The following RIMS1 variants were observed in gnomAD, a reference collection of about 807,000 sequenced individuals.
RIMS1 encodes regulating synaptic membrane exocytosis protein 1.
Under a neutral mutation model 214.1 loss-of-function variants are expected in RIMS1, and 83 were observed. The ratio of observed to expected loss-of-function variants is 0.39; its 90% CI spans 0.32 to 0.47. The LOEUF is 0.47. Among genes scored for constraint, RIMS1 ranks in the 20% least tolerant of loss-of-function variants. RIMS1 has a pLI of 0.99. For synonymous variants in RIMS1, 793 were observed against 786.8 expected, an observed-to-expected ratio of 1.01 and a Z score of -0.13; for missense variants, 2,050 against 2,161.8, an observed-to-expected ratio of 0.95 and a Z score of 1.03.
intron 29 of RIMS1, among the ~76,000 whole-genome samples, chr6:72,364,922 C>T (rs1220556063): frequency 6.6e-6 from 1 of 152,186 alleles, no homozygotes; most frequent in African/African-American, 2.4e-5. Context: ...TCACAGCTGA[C>T]TACACAATTG....
At chr6:72,031,974 G>A (rs1014420127) in intron 2 of RIMS1, among the ~76,000 whole-genome samples, 3 of 152,148 alleles carry the variant, frequency 2.0e-5, no homozygotes, top group African/African-American at 7.2e-5. Flanking sequence ...ATAATGTAAA[G>A]TATTGGCTTT....
At chr6:72,078,936 A>T (rs956706838) in intron 2 of RIMS1, among the ~76,000 whole-genome samples, 2 of 152,106 alleles carry the variant, frequency 1.3e-5, no homozygotes, top group Admixed American at 6.5e-5. Flanking sequence ...TAAGCATTTA[A>T]CATATTTGAG....
intron 29 of RIMS1, among the ~76,000 whole-genome samples, chr6:72,379,939 A>G (rs1564700204): frequency 6.6e-6 from 1 of 152,156 alleles, no homozygotes; most frequent in Non-Finnish European, 1.5e-5. Context: ...CAAAACCTTG[A>G]GTTTAAATAA....
In RIMS1 at chr6:72,259,106, A is replaced by C. The variant is rs762076813; in HGVS notation, c.3048A>C (p.Gln1016His). 30 of 1,611,640 alleles carry C rather than the reference A, an allele frequency of 1.9e-5. No homozygotes were observed. Among genetic ancestry groups the C allele is most frequent in the Admixed American group, 3.3e-5 (2 of 59,786 alleles). ...TGGATAGTCAGTATTTATCAGAACA[A>C]GACAGGTATTTGTCAAAATTATGAT... ...RDVDSQYLSEQDSELLMLPRA... is the reference protein window; with the variant it reads ...RDVDSQYLSEHDSELLMLPRA... Residue 1016 changes from glutamine to histidine, a missense_variant, in exon 18 of 34, where the codon CAA becomes CAC. By Grantham distance (24) the Gln-to-His change is conservative. Transcript: ENST00000521978.
At chr6:71,926,922 A>G (rs1346568390) in intron 1 of RIMS1, among the ~76,000 whole-genome samples, 2 of 152,136 alleles carry the variant, frequency 1.3e-5, no homozygotes, top group East Asian at 3.8e-4. Flanking sequence ...AATTCCTTTC[A>G]AATATTAGAA....
chr6:72,252,537 C>T (rs1457185726), intron 15 of RIMS1, among the ~76,000 whole-genome samples: 1 of 152,036 alleles, frequency 6.6e-6, no homozygotes, highest in Admixed American at 6.6e-5. Context: ...GTGAAGTCCC[C>T]TTGTTTCTAT....
In RIMS1 at chr6:71,968,872, G is replaced by A. The variant is rs1795119347; in HGVS notation, c.165-111G>A. 2.8e-6 allele frequency: 3 copies of A among 1,085,418 alleles called. No individual in the cohort carries two copies. The Admixed American group carries it at 5.6e-5, about 20-fold the overall frequency. 67.2% of individuals were successfully genotyped at this position (1,085,418 alleles called of 1,614,324 possible). A position where few individuals can be genotyped will look rare whatever the true frequency, so the allele number is the denominator to read the frequency against. ...GGGCCCCAAGGTTAATGTTGAAGGG[G>A]CTTTCAAAGACTTTCCCTTAGAGTG... On this transcript the variant is annotated intron_variant, in intron 1 of 33. Coordinates refer to ENST00000521978, the MANE Select transcript of RIMS1 (RefSeq NM_014989.7).
intron 1 of RIMS1, among the ~76,000 whole-genome samples, chr6:71,929,855 A>C (rs1293681576): frequency 6.6e-6 from 1 of 152,076 alleles, no homozygotes. Flanking sequence ...GGACTCTGTA[A>C]AACTTGGTGT....
intron 2 of RIMS1, among the ~76,000 whole-genome samples, chr6:72,081,574 C>A (rs1047289660): frequency 6.6e-6 from 1 of 151,738 alleles, no homozygotes; most frequent in African/African-American, 2.4e-5. Context: ...ATATACCATA[C>A]CATAAAATGG....
intron 23 of RIMS1, among the ~76,000 whole-genome samples, chr6:72,282,968 T>C (rs925458912): frequency 1.3e-5 from 2 of 151,984 alleles, no homozygotes; most frequent in African/African-American, 4.8e-5. Flanking sequence ...TTGGGAGAGA[T>C]GAGCAGTCCC....
chr6:72,268,761 T>C (rs996924780), intron 22 of RIMS1, among the ~76,000 whole-genome samples: 1 of 152,218 alleles, frequency 6.6e-6, no homozygotes, highest in Non-Finnish European at 1.5e-5. Flanking sequence ...AGCACCTCCA[T>C]TTCATGTTCT....
intron 26 of RIMS1, among the ~76,000 whole-genome samples, chr6:72,292,711 C>G (rs2093584670): frequency 6.6e-6 from 1 of 152,054 alleles, no homozygotes; most frequent in African/African-American, 2.4e-5. Context: ...CTTCATGTGA[C>G]CCAAAGTGCT....
intron 4 of RIMS1, among the ~76,000 whole-genome samples, chr6:72,177,798 G>A (rs2047916888): frequency 6.6e-6 from 1 of 152,134 alleles, no homozygotes; most frequent in African/African-American, 2.4e-5. Context: ...GAGACTCAGT[G>A]TCACTGACTG....
chr6:72,142,408 C>A (rs1305110733), intron 4 of RIMS1, among the ~76,000 whole-genome samples: 1 of 151,862 alleles, frequency 6.6e-6, no homozygotes, highest in Non-Finnish European at 1.5e-5. Context: ...AGTAGAACAT[C>A]GTTTTATGTA....
intron 26 of RIMS1, among the ~76,000 whole-genome samples, chr6:72,297,292 T>C (rs2094190021): frequency 6.6e-6 from 1 of 151,982 alleles, no homozygotes; most frequent in African/African-American, 2.4e-5. Flanking sequence ...GAATGACCAA[T>C]GTACTTTACT....
chr6:71,945,959 A>G (rs1280638633), intron 1 of RIMS1, among the ~76,000 whole-genome samples: 6 of 151,938 alleles, frequency 3.9e-5, no homozygotes, highest in Admixed American at 3.9e-4. Context: ...GAAAACCTTA[A>G]ATATTCCACC....
intron 29 of RIMS1, among the ~76,000 whole-genome samples, chr6:72,369,746 C>T (rs946566930): frequency 2.6e-5 from 4 of 152,220 alleles, no homozygotes; most frequent in Admixed American, 1.3e-4. Flanking sequence ...TAACTGGCAA[C>T]AGTAGCCTGG....
intron 2 of RIMS1, among the ~76,000 whole-genome samples, chr6:72,006,859 A>T (rs966937138): frequency 1.1e-4 from 17 of 152,186 alleles, no homozygotes; most frequent in African/African-American, 4.1e-4. Flanking sequence ...ACCACAGATG[A>T]AGGAGGTCTG....
intron 4 of RIMS1, among the ~76,000 whole-genome samples, chr6:72,164,527 T>G (rs1357649747): frequency 1.3e-5 from 2 of 152,246 alleles, no homozygotes; most frequent in Admixed American, 1.3e-4. Context: ...TTAGCCATCT[T>G]GGCTCCACAA....
Sources: allele counts gnomAD v4.1 joint callset (sites outside exome capture counted in the v4.1 genomes callset), GRCh38; gene constraint gnomAD v4.1.1; transcripts MANE v1.5; gene names NCBI Gene and HGNC (gene_info 2026-07-23, HGNC 2026-07-21).